RAPGEF4: variants seen among roughly 807,000 people sequenced by gnomAD.
RAPGEF4 encodes RAP guanine-nucleotide-exchange factor (GEF) 4.
In RAPGEF4, 66 loss-of-function variants were observed where a neutral mutation model predicts 147.9. The observed-to-expected ratio is 0.45, with a 90% CI of 0.37 to 0.55. The LOEUF (loss-of-function observed/expected upper bound fraction) is 0.55. RAPGEF4 is among the 20% of genes least tolerant of loss of function. The pLI, the probability that RAPGEF4 is intolerant of heterozygous loss-of-function variation, is 0.00. For missense variants in RAPGEF4, 1,071 were observed against 1,257.3 expected, an observed-to-expected ratio of 0.85 and a Z score of 2.24; for synonymous variants, 419 against 442.7, an observed-to-expected ratio of 0.95 and a Z score of 0.67.
Position 172,885,388 on chromosome 2 carries a change from TA to T in RAPGEF4, c.445-32412del, listed in dbSNP as rs1697087107. Among the ~76,000 whole-genome samples the T allele has an allele frequency of 3.3e-5, 5 of 152,196 alleles. No homozygotes were observed. In the South Asian group the frequency reaches 1.0e-3, roughly 31 times the overall value. On this transcript the variant is annotated intron_variant, in intron 4 of 30. Transcript: ENST00000397081. The stretch of plus-strand genomic sequence containing the variant: ...CTGGGTCTGTCTGGGGAACTTAAGC[TA>T]AGACAGAATTGTTCCCTGAACTACT...
intron 16 of RAPGEF4, 91 bp downstream of exon 16, chr2:172,996,645 G>C: frequency 1.1e-6 from 1 of 896,956 alleles, no homozygotes. Context: ...TATAGCGAAA[G>C]CAGTTTGGGA....
chr2:172,913,629 A>G (rs1319704033), intron 4 of RAPGEF4, among the ~76,000 whole-genome samples: 2 of 151,838 alleles, frequency 1.3e-5, no homozygotes, highest in African/African-American at 2.4e-5. Flanking sequence ...ATAAGCTCTT[A>G]TTTTCTCTAA....
At chr2:172,828,790 G>A (rs556830969) in intron 4 of RAPGEF4, among the ~76,000 whole-genome samples, 1 of 152,198 alleles carries the variant, frequency 6.6e-6, no homozygotes, top group Admixed American at 6.5e-5. Flanking sequence ...TCAAGACAAC[G>A]CCTCCCAGTT....
chr2:172,768,119 T>A (rs6746673), intron 1 of RAPGEF4, among the ~76,000 whole-genome samples: 1,658 of 152,226 alleles, frequency 0.011, 34 homozygotes, highest in African/African-American at 0.037. Flanking sequence ...GCCTGATTCA[T>A]GTTTTGATGC....
intron 4 of RAPGEF4, among the ~76,000 whole-genome samples, chr2:172,831,919 A>G (rs2149673511): frequency 6.6e-6 from 1 of 152,310 alleles, no homozygotes; most frequent in South Asian, 2.1e-4. Context: ...CCTTGCATCC[A>G]TGTCCTTTGA....
chr2:172,739,396 G>C (rs558218452), intron 1 of RAPGEF4, among the ~76,000 whole-genome samples: 46 of 151,176 alleles, frequency 3.0e-4, no homozygotes, highest in Non-Finnish European at 6.0e-4. Flanking sequence ...TTTTGAGATG[G>C]AGTCTCACTC....
intron 23 of RAPGEF4, among the ~76,000 whole-genome samples, chr2:173,022,357 G>A (rs1473684456): frequency 6.6e-6 from 1 of 152,226 alleles, no homozygotes; most frequent in Non-Finnish European, 1.5e-5. Context: ...GTCGTTGGAA[G>A]GAATGTCCTC....
chr2:173,042,747 C>G lies in RAPGEF4; in HGVS notation c.2854-5853C>G, dbSNP rs1466383602. 2.6e-5 allele frequency among the ~76,000 whole-genome samples: 4 copies of G among 152,208 alleles called. No homozygotes were observed. The highest frequency in any genetic ancestry group is 4.4e-5 in the Non-Finnish European group (3 of 68,034). On this transcript the variant is annotated intron_variant, in intron 29 of 30. Transcript: ENST00000397081. This position sits in a 1 kb window ranked among gnomAD's most constrained non-coding sequence, Gnocchi z 4.2. ...CCTAACCAGACATTATTCTGTCCCC[C>G]CTCCTCCCTGTGGTGCTGTGTCTGT...
rs546006091 is a variant in RAPGEF4, at chr2:172,932,871, G to T, written c.537+10571G>T. ...AAATCTCTTGTGACCATGGGTCTTT[G>T]TTACAACTTTTCTTCTAGATTGGGT... On this transcript the variant is annotated intron_variant, in intron 6 of 30. Transcript: ENST00000397081. Among the ~76,000 whole-genome samples, 6 of 152,164 alleles carry T rather than the reference G, an allele frequency of 3.9e-5. No homozygotes were observed. In the East Asian group the frequency reaches 1.2e-3, roughly 29 times the overall value.
intron 1 of RAPGEF4, among the ~76,000 whole-genome samples, chr2:172,762,794 C>G (rs1303745063): frequency 6.6e-6 from 1 of 152,170 alleles, no homozygotes; most frequent in Non-Finnish European, 1.5e-5. Context: ...TTACATGGAC[C>G]TGCTATCTTA....
chr2:172,974,716 A>G (rs1283976894), intron 10 of RAPGEF4, among the ~76,000 whole-genome samples: 1 of 152,154 alleles, frequency 6.6e-6, no homozygotes, highest in African/African-American at 2.4e-5. Context: ...GACTAATCTA[A>G]TTTCATTAAA....
intron 1 of RAPGEF4, among the ~76,000 whole-genome samples, chr2:172,790,116 C>T (rs1685647305): frequency 6.6e-6 from 1 of 151,946 alleles, no homozygotes; most frequent in East Asian, 1.9e-4. Context: ...ACATCCTCAC[C>T]AACATTTTTT....
chr2:172,911,286 G>T (rs932667179), intron 4 of RAPGEF4, among the ~76,000 whole-genome samples: 7 of 152,166 alleles, frequency 4.6e-5, no homozygotes, highest in Non-Finnish European at 1.0e-4. Flanking sequence ...GCAAACAATG[G>T]GTATAGGGGA....
At chr2:172,984,151 A>T (rs1203686868) in intron 11 of RAPGEF4, among the ~76,000 whole-genome samples, 4 of 152,162 alleles carry the variant, frequency 2.6e-5, no homozygotes, top group Non-Finnish European at 5.9e-5. Flanking sequence ...GGAGACAGAA[A>T]TTTTTTGCCA....
chr2:172,764,252 CAAA>C (rs11297899), intron 1 of RAPGEF4, among the ~76,000 whole-genome samples: 7 of 145,406 alleles, frequency 4.8e-5, no homozygotes, highest in Non-Finnish European at 1.5e-5. Context: ...GACCCTGTCT[CAAA>C]AAAAAAAAAA....
rs545366750 is a variant in RAPGEF4 at position 172,991,634 on chromosome 2, G to C, written c.1490+709G>C. Among the ~76,000 whole-genome samples the C allele has an allele frequency of 9.1e-4, 138 of 152,268 alleles. 1 individual carries two copies. Among genetic ancestry groups the C allele is most frequent in the African/African-American group, 3.3e-3 (137 of 41,562 alleles). On this transcript the variant is annotated intron_variant, in intron 15 of 30. Coordinates refer to ENST00000397081, the MANE Select transcript of RAPGEF4 (RefSeq NM_007023.4). ...AAATTACAGAAAATTGCAGAATCTA[G>C]TTTTTAAAATGGAGATTAATTTTCA...
At chr2:173,051,164 G>A (rs1007318470) in intron 30 of RAPGEF4, among the ~76,000 whole-genome samples, 1 of 152,178 alleles carries the variant, frequency 6.6e-6, no homozygotes, top group African/African-American at 2.4e-5. Context: ...AAGTAAAGAG[G>A]GGAGTCAGGA....
intron 4 of RAPGEF4, among the ~76,000 whole-genome samples, chr2:172,876,972 G>C (rs1048340145): frequency 1.3e-5 from 2 of 152,106 alleles, no homozygotes; most frequent in African/African-American, 4.8e-5. Context: ...GTTTAGTCTT[G>C]GGAGGGTGTA....
chr2:173,022,676 G>A (rs1463845057), intron 23 of RAPGEF4, among the ~76,000 whole-genome samples: 2 of 152,154 alleles, frequency 1.3e-5, no homozygotes, highest in East Asian at 1.9e-4. Context: ...TGTCCTTACC[G>A]CAGTTACGCT....
Sources: allele counts gnomAD v4.1 joint callset (sites outside exome capture counted in the v4.1 genomes callset), GRCh38; gene constraint gnomAD v4.1.1; non-coding constraint Gnocchi (gnomAD v3.1); transcripts MANE v1.5; gene names NCBI Gene and HGNC (gene_info 2026-07-23, HGNC 2026-07-21).